TBC1D19: variants seen among roughly 807,000 people sequenced by gnomAD.
TBC1D19 encodes the protein TBC1 domain family, member 19.
TBC1D19 carries 60 observed loss-of-function variants against 89.0 expected under a neutral mutation model. The ratio of observed to expected loss-of-function variants is 0.67; its 90% confidence interval spans 0.55 to 0.84. The LOEUF (loss-of-function observed/expected upper bound fraction) is 0.84, where lower values mean the gene tolerates loss of function less well. Among genes scored for constraint, TBC1D19 ranks in the 40% least tolerant of loss-of-function variants. The pLI, the probability that TBC1D19 is intolerant of heterozygous loss-of-function variation, is 0.00. For missense variants in TBC1D19, 500 were observed against 610.8 expected (o/e 0.82, Z 1.91); for synonymous variants, 189 against 199.7 (o/e 0.95, Z 0.45).
chr4:26,601,045 G>T (rs1461406484), intron 1 of TBC1D19, among the ~76,000 whole-genome samples: 1 of 152,014 alleles, frequency 6.6e-6, no homozygotes, highest in Non-Finnish European at 1.5e-5. Flanking sequence ...ATATTTCGGG[G>T]ATTGATGTGA....
rs534789269 is a variant in TBC1D19, at chr4:26,750,648, G to T, written c.1435+2122G>T. Among the ~76,000 whole-genome samples the T allele has an allele frequency of 2.0e-5, 3 of 152,218 alleles. No individual in the cohort carries two copies. The South Asian group carries it at 6.2e-4, about 32-fold the overall frequency. ...TAATAAAAACGTTACTGAAGAATAG[G>T]TAGAAATGTAGTCTGCATTATTGCT... On this transcript the variant is annotated intron_variant, in intron 19 of 20. Transcript: ENST00000264866.
chr4:26,787,130 T>C, the TBC1D19 span, among the ~76,000 whole-genome samples: 1 of 139,252 alleles, frequency 7.2e-6, no homozygotes, highest in African/African-American at 2.7e-5. Context: ...TGAGATGGAA[T>C]CTTACTCTGT....
the TBC1D19 span, among the ~76,000 whole-genome samples, chr4:26,816,372 AC>A: frequency 6.6e-6 from 1 of 152,228 alleles, no homozygotes; most frequent in Non-Finnish European, 1.5e-5. Flanking sequence ...TCATTGGGTA[AC>A]CCATTGTAAA....
At chr4:26,639,056 T>C (rs1743318718) in intron 6 of TBC1D19, among the ~76,000 whole-genome samples, 1 of 152,162 alleles carries the variant, frequency 6.6e-6, no homozygotes. Context: ...TTTTGTTTGT[T>C]TGTGTTTTTA....
chr4:26,630,734 A>G (rs1398017460), intron 4 of TBC1D19, among the ~76,000 whole-genome samples: 1 of 152,068 alleles, frequency 6.6e-6, no homozygotes, highest in East Asian at 1.9e-4. Flanking sequence ...TACTTGTTGC[A>G]AAGTGTCTTT....
At chr4:26,740,739 A>G (rs1332521319) in intron 17 of TBC1D19, 2 of 985,168 alleles carry the variant, frequency 2.0e-6, no homozygotes, top group East Asian at 1.1e-4. Flanking sequence ...TCCAGGTGAA[A>G]CATTCAATTG....
At position 26,742,591 on chromosome 4, in the gene TBC1D19, G is replaced by T; in HGVS notation, c.1311G>T (p.Gly437=). ...TCTTTTATCATCTACGAGAAATTGG[G>T]GCTCAACCGTGAGTACTTTTCTCTC... ...PQLFYHLREI[G]AQPLRISFKW... Residue 437 remains glycine (G), a synonymous_variant, in exon 18 of 21, where the codon GGG becomes GGT. Transcript: ENST00000264866. The T allele has an allele frequency of 6.2e-7, 1 of 1,611,034 alleles. No individual in the cohort carries two copies. Among genetic ancestry groups the T allele is most frequent in the Non-Finnish European group, 8.5e-7 (1 of 1,178,420 alleles).
At chr4:26,600,458 C>T (rs1740515462) in intron 1 of TBC1D19, among the ~76,000 whole-genome samples, 1 of 152,138 alleles carries the variant, frequency 6.6e-6, no homozygotes, top group South Asian at 2.1e-4. Context: ...GGTTTAAGTA[C>T]ATCTCTTCAT....
At chr4:26,746,232 ATT>A (rs11315419) in intron 18 of TBC1D19, among the ~76,000 whole-genome samples, 10,951 of 131,892 alleles carry the variant, frequency 0.083, 466 homozygotes, top group Non-Finnish European at 0.11. Flanking sequence ...TTGCAGGTCT[ATT>A]TTTTTTTTTT....
At chr4:26,843,897 G>A in the TBC1D19 span, among the ~76,000 whole-genome samples, 1 of 152,156 alleles carries the variant, frequency 6.6e-6, no homozygotes, top group Non-Finnish European at 1.5e-5. Flanking sequence ...GAGAAAGAGA[G>A]TGTGGAAGTG....
intron 17 of TBC1D19, chr4:26,740,571 A>G: frequency 1.2e-6 from 1 of 803,306 alleles, no homozygotes; most frequent in Non-Finnish European, 1.5e-6. Flanking sequence ...AAAAGCATAT[A>G]TTTAGGAGTT....
At chr4:26,750,310 G>A (rs1718879413) in intron 19 of TBC1D19, among the ~76,000 whole-genome samples, 1 of 152,126 alleles carries the variant, frequency 6.6e-6, no homozygotes, top group South Asian at 2.1e-4. Flanking sequence ...GAAGATTACT[G>A]TGTATAGCTT....
At chr4:26,590,794 C>CCGTTTTTTT (rs1560400025) in intron 1 of TBC1D19, among the ~76,000 whole-genome samples, 2 of 31,762 alleles carry the variant, frequency 6.3e-5, no homozygotes, top group East Asian at 1.3e-3. Context: ...TCTTGCAGGT[C>CCGTTTTTTT]TGTTTTTTTT....
At chr4:26,594,654 T>C (rs1010137691) in intron 1 of TBC1D19, among the ~76,000 whole-genome samples, 3 of 152,220 alleles carry the variant, frequency 2.0e-5, no homozygotes, top group African/African-American at 4.8e-5. Context: ...TTCTTGCTTC[T>C]GTTATATGCT....
intron 4 of TBC1D19, among the ~76,000 whole-genome samples, chr4:26,627,980 G>T (rs568726260): frequency 1.7e-3 from 259 of 152,270 alleles, no homozygotes; most frequent in African/African-American, 6.1e-3. Context: ...GTCCTGAATG[G>T]TAATGCCTAG....
the TBC1D19 span, among the ~76,000 whole-genome samples, chr4:26,771,917 A>G: frequency 6.6e-6 from 1 of 152,230 alleles, no homozygotes; most frequent in Admixed American, 6.5e-5. Context: ...GAAATAGAAA[A>G]CAAAAACAGT....
intron 7 of TBC1D19, among the ~76,000 whole-genome samples, chr4:26,642,384 A>C (rs952682270): frequency 6.6e-6 from 1 of 152,170 alleles, no homozygotes; most frequent in African/African-American, 2.4e-5. Flanking sequence ...AATACTGAGA[A>C]ATTTTGTCAC....
chr4:26,661,197 T>C (rs1289743052), intron 8 of TBC1D19, among the ~76,000 whole-genome samples: 1 of 152,150 alleles, frequency 6.6e-6, no homozygotes, highest in Non-Finnish European at 1.5e-5. Flanking sequence ...GCAGAAAGAC[T>C]GCACTCGGAG....
intron 17 of TBC1D19, 133 bp from the exon 18 acceptor site, chr4:26,742,375 T>C: frequency 1.5e-6 from 1 of 652,404 alleles, no homozygotes; most frequent in Non-Finnish European, 2.4e-6. Context: ...ACATTTCATG[T>C]TTTTGACTCT....
Sources: gnomAD v4.1 joint callset for allele counts (sites outside exome capture counted in the v4.1 genomes callset) on GRCh38, gnomAD v4.1.1 for gene constraint, MANE v1.5 for transcripts, NCBI Gene and HGNC (gene_info 2026-07-23, HGNC 2026-07-21) for gene names.